The following AMBN variants were observed in gnomAD, a reference collection of about 807,000 sequenced individuals.
AMBN encodes the protein ameloblastin, also known as enamel matrix protein.
A neutral mutation model predicts 48.0 loss-of-function variants in AMBN; 54 were observed. The ratio of observed to expected loss-of-function variants is 1.12; its 90% CI spans 0.90 to 1.41. AMBN has a LOEUF of 1.41. AMBN is among the 40% of genes most tolerant of loss of function. The pLI is 0.00. For missense variants in AMBN, 571 were observed against 547.3 expected, an observed-to-expected ratio of 1.04 and a Z score of -0.43; for synonymous variants, 186 against 190.0, an observed-to-expected ratio of 0.98 and a Z score of 0.17.
At chr4:70,604,500 C>T (rs1737596184) in intron 12 of AMBN, among the ~76,000 whole-genome samples, 1 of 152,118 alleles carries the variant, frequency 6.6e-6, no homozygotes, top group Admixed American at 6.5e-5. Context: ...AAAATTTTTG[C>T]CTGTTACATC....
intron 6 of AMBN, 78 bp from the exon 7 acceptor site, chr4:70,602,546 A>G: frequency 3.7e-6 from 4 of 1,086,788 alleles, no homozygotes; most frequent in Non-Finnish European, 5.3e-6. Flanking sequence ...CACTTTGTCT[A>G]TTTTTTTATT....
chr4:70,603,775 A>T, intron 11 of AMBN, 102 bp from the exon 12 acceptor site: 1 of 1,242,082 alleles, frequency 8.1e-7, no homozygotes, highest in Non-Finnish European at 1.2e-6. Context: ...ACACAGCATT[A>T]ATATTAAGGT....
intron 2 of AMBN, among the ~76,000 whole-genome samples, chr4:70,595,817 AG>A (rs369762642): frequency 1.4e-4 from 21 of 152,274 alleles, no homozygotes; most frequent in African/African-American, 4.1e-4. Flanking sequence ...TAAAGTAATA[AG>A]GATTGGTTTC....
chr4:70,601,868 TAA>T (rs1560388283), intron 6 of AMBN: 1 of 672,104 alleles, frequency 1.5e-6, no homozygotes, highest in Non-Finnish European at 2.7e-6. Context: ...GCATGGATTC[TAA>T]AAGATACTGT....
At chr4:70,594,463 T>C (rs1384742838) in intron 2 of AMBN, among the ~76,000 whole-genome samples, 1 of 152,238 alleles carries the variant, frequency 6.6e-6, no homozygotes, top group Non-Finnish European at 1.5e-5. Context: ...AAATAAGACA[T>C]GATCTCTTGT....
chr4:70,604,015 C>A, intron 12 of AMBN, 94 bp downstream of exon 12: 1 of 1,260,822 alleles, frequency 7.9e-7, no homozygotes, highest in Non-Finnish European at 1.1e-6. Context: ...TGAATGTAGC[C>A]AAATGAGCAT....
Position 70,606,608 on chromosome 4 carries a change from T to G in AMBN, c.1222T>G (p.Phe408Val). Residue 408 changes from phenylalanine to valine, a missense_variant, in exon 13 of 13, where the codon TTC becomes GTC. Transcript: ENST00000322937. ...YDADMTTSVD[F>V]QEEATMDTTM... ...TGCTGACATGACCACATCCGTGGAT[T>G]TCCAGGAAGAAGCAACCATGGATAC... is the stretch of plus-strand genomic sequence containing the variant. The G allele has an allele frequency of 1.9e-6, 3 of 1,614,136 alleles. No homozygotes were observed. The highest frequency in any genetic ancestry group is 2.5e-6 in the Non-Finnish European group (3 of 1,180,010).
intron 1 of AMBN, 61 bp from the exon 2 acceptor site, chr4:70,593,266 C>A: frequency 7.1e-7 from 1 of 1,408,996 alleles, no homozygotes. Flanking sequence ...CAAAAATTGT[C>A]TTTTAACCAT....
At position 70,594,819 on chromosome 4, in the gene AMBN, A is replaced by G. The variant is rs139870016; in HGVS notation, c.84+1424A>G. ...ATCCACACCTGAATCAATTGGGTCC[A>G]CTCTGAGGAACAGAACAATTGCTTA... On this transcript the variant is annotated intron_variant, in intron 2 of 12. Transcript: ENST00000322937. 1.7e-3 allele frequency among the ~76,000 whole-genome samples: 256 copies of G among 152,252 alleles called. 1 individual carries two copies. The highest frequency in any genetic ancestry group is 5.2e-3 in the African/African-American group (217 of 41,544).
intron 5 of AMBN, 135 bp downstream of exon 5, chr4:70,599,781 C>G (rs1033604142): frequency 1.8e-6 from 1 of 543,664 alleles, no homozygotes; most frequent in African/African-American, 1.9e-5. Context: ...CCAAATAAAT[C>G]GAAGCCTATA....
chr4:70,599,286 C>T (rs1291202173), intron 4 of AMBN, among the ~76,000 whole-genome samples: 2 of 151,878 alleles, frequency 1.3e-5, no homozygotes, highest in Non-Finnish European at 2.9e-5. Flanking sequence ...ACTAAAAATA[C>T]AGAAATTAGC....
chr4:70,592,733 G>A (rs570996891), intron 1 of AMBN, among the ~76,000 whole-genome samples: 169 of 152,078 alleles, frequency 1.1e-3, no homozygotes, highest in Admixed American at 9.6e-3. Flanking sequence ...TTAGGAAGAG[G>A]AAAGCTAAAT....
Position 70,606,372 on chromosome 4 carries a change from C to T in AMBN, c.986C>T (p.Pro329Leu), listed in dbSNP as rs140331879. The change falls in exon 13 of 13, where the codon CCG becomes CTG. Residue 329 changes from proline (P) to leucine (L), a missense_variant. By Grantham distance (98) the Pro-to-Leu change is moderately conservative. Coordinates refer to ENST00000322937, the MANE Select transcript of AMBN (RefSeq NM_016519.6). ...EEGGAQGSPM[P>L]EANPDNLENP... Reference sequence around the variant, plus strand: ...GGAGGTGCACAAGGCTCCCCTATGCCGGAGGCCAACCCAGACAATCTAGAA... The same window carrying T: ...GGAGGTGCACAAGGCTCCCCTATGCTGGAGGCCAACCCAGACAATCTAGAA... The T allele has an allele frequency of 1.2e-3, 1,858 of 1,613,994 alleles. 33 individuals are homozygous for T. The East Asian group carries it at 0.03, about 26-fold the overall frequency.
intron 6 of AMBN, chr4:70,601,996 T>C: frequency 2.2e-6 from 1 of 463,826 alleles, no homozygotes; most frequent in South Asian, 1.6e-5. Flanking sequence ...TTGGAAAAAC[T>C]GAAAAAAGTG....
In AMBN at chr4:70,606,599, T is replaced by C; in HGVS notation, c.1213T>C (p.Ser405Pro). Residue 405 changes from serine to proline, a missense_variant, in exon 13 of 13, where the codon TCC becomes CCC. Transcript: ENST00000322937. ...YRTYDADMTT[S>P]VDFQEEATMD... ...GACCTACGATGCTGACATGACCACA[T>C]CCGTGGATTTCCAGGAAGAAGCAAC... The C allele has an allele frequency of 6.2e-7, 1 of 1,614,054 alleles. No homozygotes were observed. The highest frequency in any genetic ancestry group is 8.5e-7 in the Non-Finnish European group (1 of 1,179,992).
In AMBN at chr4:70,592,355, G is replaced by A. The variant is rs1737291608; in HGVS notation, c.-4G>A. On this transcript the variant is annotated 5_prime_UTR_variant, in exon 1 of 13. In the 5' UTR this introduces an upstream ATG that the reference lacks. Coordinates refer to ENST00000322937, the MANE Select transcript of AMBN (RefSeq NM_016519.6). ...GGCATCATCAGGCCCTGAGAGCACA[G>A]TGCATGTCAGCATCTAAGGTAAAAT... The A allele has an allele frequency of 6.2e-7, 1 of 1,614,074 alleles. No homozygotes were observed. Among genetic ancestry groups the A allele is most frequent in the Non-Finnish European group, 8.5e-7 (1 of 1,179,956 alleles).
At chr4:70,603,961 G>A (rs1577957417) in intron 12 of AMBN, 40 bp downstream of exon 12, 1 of 1,597,824 alleles carries the variant, frequency 6.3e-7, no homozygotes, top group African/African-American at 1.3e-5. Flanking sequence ...ATAGTGGCCA[G>A]GGAAGAACAG....
intron 12 of AMBN, among the ~76,000 whole-genome samples, chr4:70,605,679 T>C (rs1004215958): frequency 2.0e-5 from 3 of 152,070 alleles, no homozygotes; most frequent in African/African-American, 7.2e-5. Flanking sequence ...TCCCAGCTAC[T>C]AGGGAGGCTG....
rs369261041 is a variant in AMBN, at chr4:70,592,356, T to C, written c.-3T>C. On this transcript the variant is annotated 5_prime_UTR_variant, in exon 1 of 13. Transcript: ENST00000322937. ...GCATCATCAGGCCCTGAGAGCACAG[T>C]GCATGTCAGCATCTAAGGTAAAATG... 3.4e-5 allele frequency: 55 copies of C among 1,614,138 alleles called. No homozygotes were observed. The African/African-American group carries it at 6.5e-4, about 19-fold the overall frequency.
Sources: allele counts gnomAD v4.1 joint callset (sites outside exome capture counted in the v4.1 genomes callset), GRCh38; gene constraint gnomAD v4.1.1; transcripts MANE v1.5; gene names NCBI Gene and HGNC (gene_info 2026-07-23, HGNC 2026-07-21).